STARD13: variants seen among roughly 807,000 people sequenced by gnomAD.
The protein encoded by STARD13 is StAR related lipid transfer domain containing 13.
Under a neutral mutation model 106.4 loss-of-function variants are expected in STARD13, and 62 were observed. The observed-to-expected ratio is 0.58, with a 90% CI of 0.48 to 0.72. The LOEUF (loss-of-function observed/expected upper bound fraction) is 0.72. STARD13 is among the 30% of genes least tolerant of loss of function. The pLI, the probability that STARD13 is intolerant of heterozygous loss-of-function variation, is 0.00. For missense variants in STARD13, 1,387 were observed against 1,424.0 expected (o/e 0.97, Z 0.42); for synonymous variants, 565 against 553.0 (o/e 1.02, Z -0.31).
chr13:33,285,894 C>T, upstream of STARD13: 1 of 614,514 alleles, frequency 1.6e-6, no homozygotes. Context: ...AGAGGCAGTT[C>T]CAGCCGCCAG....
the STARD13 span, among the ~76,000 whole-genome samples, chr13:33,419,502 GGGAGAAT>G: frequency 2.0e-4 from 31 of 151,738 alleles, no homozygotes; most frequent in South Asian, 4.8e-3. Context: ...ATTGGTGATG[GGGAGAAT>G]GGATCCAAGT....
chr13:33,341,055 G>A (rs1158472608), intron 1 of STARD13, among the ~76,000 whole-genome samples: 1 of 152,016 alleles, frequency 6.6e-6, no homozygotes. Flanking sequence ...AAACATTCAA[G>A]GACTCTGAAA....
the STARD13 span, among the ~76,000 whole-genome samples, chr13:33,624,185 GA>G: frequency 6.6e-6 from 1 of 152,082 alleles, no homozygotes; most frequent in South Asian, 2.1e-4. Context: ...TTATGAGCTG[GA>G]AAAAAACTCA....
the STARD13 span, among the ~76,000 whole-genome samples, chr13:33,663,000 T>C: frequency 1.3e-5 from 2 of 152,180 alleles, no homozygotes; most frequent in Admixed American, 6.5e-5. Flanking sequence ...TGAGGTGAGG[T>C]ATTTATTCCT....
chr13:33,608,639 T>C, the STARD13 span, among the ~76,000 whole-genome samples: 5 of 152,172 alleles, frequency 3.3e-5, no homozygotes, highest in Admixed American at 2.6e-4. Context: ...ACAGATAGTG[T>C]AGAACAGTTC....
chr13:33,544,857 T>G, the STARD13 span, among the ~76,000 whole-genome samples: 3 of 148,696 alleles, frequency 2.0e-5, no homozygotes, highest in Non-Finnish European at 4.5e-5. Context: ...CACTGCAATC[T>G]CTGCCTCCCG....
chr13:33,675,983 C>G, the STARD13 span, among the ~76,000 whole-genome samples: 8 of 152,288 alleles, frequency 5.3e-5, no homozygotes, highest in South Asian at 1.7e-3. Flanking sequence ...ATTTTGTTAA[C>G]AACATTAGAC....
chr13:33,340,452 T>C (rs1272305205), intron 1 of STARD13, among the ~76,000 whole-genome samples: 4 of 2,260 alleles, frequency 1.8e-3, no homozygotes, highest in Admixed American at 0.01. Context: ...TTCAAGAAAT[T>C]TGAAATGTTT....
chr13:33,147,868 T>C (rs1302089281), intron 3 of STARD13, among the ~76,000 whole-genome samples: 3 of 152,132 alleles, frequency 2.0e-5, no homozygotes, highest in African/African-American at 4.8e-5. Context: ...GGTGAAAGAA[T>C]AGACAAAGAG....
the STARD13 span, among the ~76,000 whole-genome samples, chr13:33,409,136 C>T: frequency 6.6e-6 from 1 of 152,098 alleles, no homozygotes; most frequent in Non-Finnish European, 1.5e-5. Flanking sequence ...GTTTTATTTA[C>T]ACTGTATGTA....
At chr13:33,583,356 A>C in the STARD13 span, among the ~76,000 whole-genome samples, 13 of 152,212 alleles carry the variant, frequency 8.5e-5, no homozygotes, top group African/African-American at 2.9e-4. Flanking sequence ...AAGGATGATT[A>C]TCCTACCGAA....
the STARD13 span, among the ~76,000 whole-genome samples, chr13:33,548,340 G>A: frequency 3.9e-5 from 6 of 152,132 alleles, no homozygotes; most frequent in Non-Finnish European, 8.8e-5. Flanking sequence ...TTCTTAGCAT[G>A]CAACTGTTGG....
intron 1 of STARD13, among the ~76,000 whole-genome samples, chr13:33,213,838 C>A (rs765765370): frequency 1.4e-4 from 21 of 152,154 alleles, no homozygotes; most frequent in Non-Finnish European, 2.6e-4. Context: ...TATCTTTAAT[C>A]CTGGGCAGAG....
chr13:33,106,213 A>G (rs1873678363), intron 13 of STARD13, among the ~76,000 whole-genome samples: 1 of 152,240 alleles, frequency 6.6e-6, no homozygotes, highest in African/African-American at 2.4e-5. Flanking sequence ...TGAGGTTGGG[A>G]GATTGAGACC....
intron 3 of STARD13, 78 bp from the exon 4 acceptor site, chr13:33,142,451 T>C: frequency 7.6e-7 from 1 of 1,324,102 alleles, no homozygotes; most frequent in Non-Finnish European, 1.1e-6. Flanking sequence ...CTCCTTTATT[T>C]CCAGTAAAGT....
intron 3 of STARD13, among the ~76,000 whole-genome samples, chr13:33,148,986 T>C (rs985532728): frequency 6.6e-6 from 1 of 152,132 alleles, no homozygotes; most frequent in East Asian, 1.9e-4. Flanking sequence ...ATGATCCAAC[T>C]ATATAGCATT....
upstream of STARD13, chr13:33,350,627 TA>T (rs528950285): frequency 6.7e-3 from 9,139 of 1,361,756 alleles, 50 homozygotes; most frequent in Non-Finnish European, 7.8e-3. Flanking sequence ...CGCGCTAGGT[TA>T]TTAACCTCTG....
At chr13:33,411,459 A>T in the STARD13 span, among the ~76,000 whole-genome samples, 1 of 152,002 alleles carries the variant, frequency 6.6e-6, no homozygotes, top group East Asian at 1.9e-4. Context: ...TTTCCATTGG[A>T]TCTTTATAAG....
rs756678610 is a variant in STARD13, at chr13:33,165,433, CAAAG to C, written c.242-19_242-16del. The C allele has an allele frequency of 5.0e-6, 8 of 1,599,986 alleles. No homozygotes were observed. The Admixed American group carries it at 1.3e-4, about 27-fold the overall frequency. On this transcript the variant is annotated splice_polypyrimidine_tract_variant and intron_variant, in intron 2 of 13. Coordinates refer to ENST00000336934, the MANE Select transcript of STARD13 (RefSeq NM_178006.4). ...AAATTGTGAATCTGAGAGAGAAAGACAAAGAAGTTGATGTACTTTGTTTTATCTG... is the reference window on the plus strand; with the variant it reads ...AAATTGTGAATCTGAGAGAGAAAGACAAGTTGATGTACTTTGTTTTATCTG...
Sources: gnomAD v4.1 joint callset for allele counts (sites outside exome capture counted in the v4.1 genomes callset) on GRCh38, gnomAD v4.1.1 for gene constraint, MANE v1.5 for transcripts, NCBI Gene and HGNC (gene_info 2026-07-23, HGNC 2026-07-21) for gene names.